The following LOC128462377 variants were observed in gnomAD, a reference collection of about 807,000 sequenced individuals.
At chr16:89,384,879 C>CTTTTTTTTTTTTTTTTTT in the LOC128462377 span, among the ~76,000 whole-genome samples, 177 of 49,932 alleles carry the variant, frequency 3.5e-3, 30 homozygotes, top group South Asian at 6.0e-3. Context: ...AAATAGTTTT[C>CTTTTTTTTTTTTTTTTTT]TTTTTTTTTT....
At chr16:89,390,919 G>C in the LOC128462377 span, among the ~76,000 whole-genome samples, 1 of 152,136 alleles carries the variant, frequency 6.6e-6, no homozygotes, top group Non-Finnish European at 1.5e-5. Flanking sequence ...TGATTTGTGT[G>C]AGCCACTCTC....
At chr16:89,368,409 G>A in the LOC128462377 span, among the ~76,000 whole-genome samples, 1 of 120,840 alleles carries the variant, frequency 8.3e-6, no homozygotes. Flanking sequence ...TTTTAGTAGA[G>A]ATGGGGTTTC....
the LOC128462377 span, among the ~76,000 whole-genome samples, chr16:89,334,034 A>G: frequency 2.0e-5 from 3 of 151,302 alleles, no homozygotes; most frequent in Non-Finnish European, 2.9e-5. Flanking sequence ...AAATAAGGCC[A>G]GGTGCAGTGG....
chr16:89,385,947 C>G, the LOC128462377 span, among the ~76,000 whole-genome samples: 1 of 152,238 alleles, frequency 6.6e-6, no homozygotes, highest in East Asian at 1.9e-4. Flanking sequence ...AAACTTAGCA[C>G]ACAGCGGACA....
At chr16:89,328,178 G>T in the LOC128462377 span, among the ~76,000 whole-genome samples, 5 of 152,188 alleles carry the variant, frequency 3.3e-5, no homozygotes, top group East Asian at 9.6e-4. Flanking sequence ...AATCGGAACA[G>T]CTAAAATACA....
At chr16:89,396,571 T>C in the LOC128462377 span, among the ~76,000 whole-genome samples, 1 of 152,116 alleles carries the variant, frequency 6.6e-6, no homozygotes, top group Non-Finnish European at 1.5e-5. Flanking sequence ...TAGAACAACA[T>C]ATTTACCACA....
At chr16:89,369,089 C>T in the LOC128462377 span, among the ~76,000 whole-genome samples, 2 of 152,230 alleles carry the variant, frequency 1.3e-5, no homozygotes, top group African/African-American at 4.8e-5. Context: ...CTACAATGAT[C>T]ACATCACTAC....
chr16:89,359,802 A>T, the LOC128462377 span, among the ~76,000 whole-genome samples: 1 of 152,214 alleles, frequency 6.6e-6, no homozygotes. Context: ...ATGCAGAAAG[A>T]TAAGATAGTT....
the LOC128462377 span, among the ~76,000 whole-genome samples, chr16:89,363,299 T>C: frequency 1.8e-4 from 28 of 152,160 alleles, no homozygotes; most frequent in Non-Finnish European, 7.3e-5. Flanking sequence ...TGACGGTGCA[T>C]GCGAATTTGT....
At chr16:89,387,885 G>C in the LOC128462377 span, among the ~76,000 whole-genome samples, 1 of 149,320 alleles carries the variant, frequency 6.7e-6, no homozygotes, top group African/African-American at 2.5e-5. Flanking sequence ...GGTGGTGGTC[G>C]GGTCTCCCCA....
At chr16:89,411,689 C>A in the LOC128462377 span, among the ~76,000 whole-genome samples, 1 of 152,086 alleles carries the variant, frequency 6.6e-6, no homozygotes, top group Non-Finnish European at 1.5e-5. Flanking sequence ...GCTGGGATTA[C>A]GGCCAGTTTA....
At chr16:89,388,450 T>G in the LOC128462377 span, among the ~76,000 whole-genome samples, 2 of 152,020 alleles carry the variant, frequency 1.3e-5, no homozygotes, top group African/African-American at 4.8e-5. Context: ...TGATTTTTAA[T>G]GTCTTGAAAA....
the LOC128462377 span, among the ~76,000 whole-genome samples, chr16:89,377,544 C>A: frequency 6.6e-6 from 1 of 152,092 alleles, no homozygotes; most frequent in African/African-American, 2.4e-5. Context: ...TAAGAGATAC[C>A]ACACCAGAGA....
At chr16:89,371,640 G>A in the LOC128462377 span, among the ~76,000 whole-genome samples, 4 of 152,158 alleles carry the variant, frequency 2.6e-5, no homozygotes, top group African/African-American at 9.7e-5. Flanking sequence ...CGACACCCAA[G>A]GAGGGGTGTG....
chr16:89,413,258 A>G, the LOC128462377 span, among the ~76,000 whole-genome samples: 1 of 152,224 alleles, frequency 6.6e-6, no homozygotes, highest in African/African-American at 2.4e-5. Flanking sequence ...TGGCATAATT[A>G]CTACGCATAT....
the LOC128462377 span, among the ~76,000 whole-genome samples, chr16:89,358,799 A>C: frequency 1.3e-5 from 2 of 150,954 alleles, no homozygotes; most frequent in East Asian, 3.9e-4. Flanking sequence ...CCCACATCTC[A>C]CATTTCAGTT....
At chr16:89,396,815 T>C in the LOC128462377 span, among the ~76,000 whole-genome samples, 3 of 152,226 alleles carry the variant, frequency 2.0e-5, no homozygotes, top group South Asian at 4.2e-4. Context: ...GCCTCCCGAG[T>C]AGCTGGGACT....
the LOC128462377 span, among the ~76,000 whole-genome samples, chr16:89,391,054 C>G: frequency 1.2e-4 from 19 of 152,112 alleles, no homozygotes; most frequent in East Asian, 7.7e-4. Context: ...CGGTGAAACC[C>G]CATCTCTACT....
At chr16:89,345,684 C>A in the LOC128462377 span, among the ~76,000 whole-genome samples, 7 of 152,296 alleles carry the variant, frequency 4.6e-5, no homozygotes, top group East Asian at 1.3e-3. Context: ...AAAAAGTAAT[C>A]CAGCTGGCTC....
Sources: gnomAD v4.1 joint callset for allele counts (sites outside exome capture counted in the v4.1 genomes callset) on GRCh38, gnomAD v4.1.1 for gene constraint, MANE v1.5 for transcripts.